NDST3: variants seen among roughly 807,000 people sequenced by gnomAD.
NDST3 encodes N-deacetylase and N-sulfotransferase 3.
A neutral mutation model predicts 96.1 loss-of-function variants in NDST3; 58 were observed. That is an observed-to-expected ratio of 0.60 (90% CI 0.49 to 0.75). The LOEUF (loss-of-function observed/expected upper bound fraction) is 0.75, where lower values mean the gene tolerates loss of function less well. NDST3 is among the 30% of genes least tolerant of loss of function. The pLI is 0.00. For synonymous variants in NDST3, 333 were observed against 359.7 expected, an observed-to-expected ratio of 0.93 and a Z score of 0.84; for missense variants, 788 against 1,034.2, an observed-to-expected ratio of 0.76 and a Z score of 3.27.
chr4:118,182,816 T>C (rs1214466173), intron 6 of NDST3, among the ~76,000 whole-genome samples: 2 of 152,228 alleles, frequency 1.3e-5, no homozygotes, highest in Non-Finnish European at 2.9e-5. Flanking sequence ...CAAAGTTAGT[T>C]TAACTAAACA....
chr4:118,100,283 C>T (rs1472535608), intron 2 of NDST3, among the ~76,000 whole-genome samples: 1 of 151,940 alleles, frequency 6.6e-6, no homozygotes, highest in Non-Finnish European at 1.5e-5. Flanking sequence ...GACATAGGCG[C>T]TCCTGGCTTC....
chr4:118,197,803 C>CT (rs749135213), intron 6 of NDST3, among the ~76,000 whole-genome samples: 5,866 of 127,268 alleles, frequency 0.046, 221 homozygotes, highest in African/African-American at 0.072. Flanking sequence ...TGGCTTTTGG[C>CT]TTTTTTTTTT....
intron 6 of NDST3, among the ~76,000 whole-genome samples, chr4:118,148,912 A>G (rs1734163638): frequency 6.6e-6 from 1 of 152,172 alleles, no homozygotes; most frequent in Admixed American, 6.5e-5. Flanking sequence ...TCTTTAATCC[A>G]TCTTGAATTG....
At chr4:118,107,371 T>C (rs1179605365) in intron 3 of NDST3, among the ~76,000 whole-genome samples, 2 of 152,170 alleles carry the variant, frequency 1.3e-5, no homozygotes, top group Non-Finnish European at 2.9e-5. Context: ...TTGAAAGCAT[T>C]ACTCTGTATT....
At chr4:118,248,019 C>T (rs919159795) in intron 12 of NDST3, among the ~76,000 whole-genome samples, 3 of 152,114 alleles carry the variant, frequency 2.0e-5, no homozygotes, top group Non-Finnish European at 4.4e-5. Context: ...GTACGATTAA[C>T]CCGCACGAGG....
At chr4:118,139,508 A>AG (rs1406041496) in intron 5 of NDST3, among the ~76,000 whole-genome samples, 2 of 152,178 alleles carry the variant, frequency 1.3e-5, no homozygotes, top group Non-Finnish European at 2.9e-5. Flanking sequence ...AATAAGCGAG[A>AG]GAAAATAAGA....
At chr4:118,180,124 T>A (rs1165011234) in intron 6 of NDST3, among the ~76,000 whole-genome samples, 1 of 152,040 alleles carries the variant, frequency 6.6e-6, no homozygotes, top group East Asian at 1.9e-4. Flanking sequence ...TATTTTAGAT[T>A]CAGGGGATAT....
chr4:118,075,582 T>C (rs936623031), intron 2 of NDST3, among the ~76,000 whole-genome samples: 3 of 152,230 alleles, frequency 2.0e-5, no homozygotes, highest in African/African-American at 4.8e-5. Context: ...TTTTTAATGA[T>C]TGCCCTTCTA....
chr4:118,179,811 T>C (rs57603334), intron 6 of NDST3, among the ~76,000 whole-genome samples: 2,275 of 152,210 alleles, frequency 0.015, 55 homozygotes, highest in African/African-American at 0.052. Context: ...CCAGTCACTT[T>C]AGTTGTGAAT....
intron 2 of NDST3, among the ~76,000 whole-genome samples, chr4:118,089,615 G>A (rs918433085): frequency 6.6e-6 from 1 of 151,918 alleles, no homozygotes; most frequent in Non-Finnish European, 1.5e-5. Flanking sequence ...TCAGATATTG[G>A]TTAATTATTT....
intron 2 of NDST3, among the ~76,000 whole-genome samples, chr4:118,056,798 G>C (rs552394056): frequency 1.7e-4 from 26 of 152,056 alleles, no homozygotes; most frequent in African/African-American, 6.3e-4. Flanking sequence ...ATAGAGGCAG[G>C]CTTTAGGGAT....
rs563115795 is a variant in NDST3, at chr4:118,160,850, G to A, written c.1539+17166G>A. Among the ~76,000 whole-genome samples the A allele has an allele frequency of 2.6e-4, 40 of 152,172 alleles. 2 individuals carry two copies. The South Asian group carries it at 8.3e-3, about 32-fold the overall frequency. On this transcript the variant is annotated intron_variant, in intron 6 of 13. Coordinates refer to ENST00000296499, the MANE Select transcript of NDST3 (RefSeq NM_004784.3). ...GTAGCTCGGAGTAGTTTGATCGTCT[G>A]AAGCCTTCTTCTCTCAACTCGTCAA...
At chr4:118,183,989 G>T (rs956187901) in intron 6 of NDST3, among the ~76,000 whole-genome samples, 7 of 152,178 alleles carry the variant, frequency 4.6e-5, no homozygotes, top group Non-Finnish European at 8.8e-5. Context: ...TACTCACGGT[G>T]CTAGAAGGGT....
intron 12 of NDST3, among the ~76,000 whole-genome samples, chr4:118,251,118 TA>T (rs1196151828): frequency 3.3e-5 from 4 of 121,562 alleles, no homozygotes; most frequent in East Asian, 4.6e-4. Flanking sequence ...ATTTATTTAT[TA>T]TTTTTATTTT....
At chr4:118,174,176 C>T (rs1335730828) in intron 6 of NDST3, among the ~76,000 whole-genome samples, 1 of 152,188 alleles carries the variant, frequency 6.6e-6, no homozygotes, top group Non-Finnish European at 1.5e-5. Context: ...AGCACAGCTT[C>T]GTTTCCTGTG....
chr4:118,188,535 C>T (rs1737112939), intron 6 of NDST3, among the ~76,000 whole-genome samples: 2 of 151,962 alleles, frequency 1.3e-5, no homozygotes, highest in Admixed American at 1.3e-4. Context: ...TAGGCTATCG[C>T]AGATAATTTG....
intron 12 of NDST3, among the ~76,000 whole-genome samples, chr4:118,245,015 C>A (rs1741227351): frequency 6.6e-6 from 1 of 152,096 alleles, no homozygotes. Flanking sequence ...GTTCCACATA[C>A]CCTTAATCCC....
intron 2 of NDST3, among the ~76,000 whole-genome samples, chr4:118,060,305 T>A (rs771466001): frequency 6.6e-6 from 1 of 152,172 alleles, no homozygotes; most frequent in Non-Finnish European, 1.5e-5. Flanking sequence ...TTTCATTCTA[T>A]GTTATCTTTT....
At chr4:118,076,751 C>T (rs768499195) in intron 2 of NDST3, among the ~76,000 whole-genome samples, 5 of 152,128 alleles carry the variant, frequency 3.3e-5, no homozygotes, top group Admixed American at 6.5e-5. Flanking sequence ...TTTTGAATCT[C>T]AATGATCTTC....
Sources: allele counts gnomAD v4.1 joint callset (sites outside exome capture counted in the v4.1 genomes callset), GRCh38; gene constraint gnomAD v4.1.1; transcripts MANE v1.5; gene names NCBI Gene and HGNC (gene_info 2026-07-23, HGNC 2026-07-21).